Variants in EPYC observed in about 807,000 individuals in gnomAD.
EPYC encodes dermatan sulfate proteoglycan 3.
In EPYC, 28 loss-of-function variants were observed where a neutral mutation model predicts 30.1. That is an observed-to-expected ratio of 0.93 (90% CI 0.69 to 1.28). The LOEUF is 1.28. Among genes scored for constraint, EPYC ranks in the 50% most tolerant of loss-of-function variants. The pLI is 0.00. For synonymous variants in EPYC, 144 were observed against 141.4 expected (o/e 1.02, Z -0.13); for missense variants, 382 against 383.5 (o/e 1.00, Z 0.03).
intron 1 of EPYC, among the ~76,000 whole-genome samples, chr12:91,003,169 C>G (rs564605402): frequency 6.6e-6 from 1 of 152,162 alleles, no homozygotes; most frequent in East Asian, 1.9e-4. Context: ...TTCTTCAGAA[C>G]AAAGTAACAA....
At chr12:90,982,848 C>A (rs1301931823) in intron 2 of EPYC, among the ~76,000 whole-genome samples, 1 of 152,092 alleles carries the variant, frequency 6.6e-6, no homozygotes, top group African/African-American at 2.4e-5. Flanking sequence ...AATAGTATTC[C>A]ATTGTGTGTA....
chr12:90,989,061 A>G (rs1373967592), intron 2 of EPYC, among the ~76,000 whole-genome samples: 2 of 152,122 alleles, frequency 1.3e-5, no homozygotes, highest in Admixed American at 1.3e-4. Flanking sequence ...ATTTCTCATA[A>G]AAGTAAGAAA....
intron 2 of EPYC, among the ~76,000 whole-genome samples, chr12:90,983,955 A>G (rs1877385126): frequency 6.6e-6 from 1 of 152,144 alleles, no homozygotes; most frequent in South Asian, 2.1e-4. Flanking sequence ...AGGCCTAACA[A>G]AAGCTATTCC....
At chr12:90,964,356 G>A (rs766509946) in intron 6 of EPYC, 30 bp from the exon 7 acceptor site, 16 of 1,520,160 alleles carry the variant, frequency 1.1e-5, no homozygotes, top group African/African-American at 1.4e-5. Flanking sequence ...ATTATGACAA[G>A]ATATAACACA....
chr12:91,002,990 C>T (rs1049686911), intron 1 of EPYC, among the ~76,000 whole-genome samples: 12 of 152,084 alleles, frequency 7.9e-5, no homozygotes, highest in African/African-American at 2.9e-4. Flanking sequence ...AACTGTCATA[C>T]CATTTTATAG....
intron 6 of EPYC, among the ~76,000 whole-genome samples, chr12:90,968,081 G>A (rs540109788): frequency 7.2e-5 from 11 of 151,766 alleles, no homozygotes; most frequent in South Asian, 4.2e-4. Context: ...TGTATTTTGG[G>A]CCTCTGTTGT....
At chr12:90,997,003 T>C (rs900827695) in intron 2 of EPYC, among the ~76,000 whole-genome samples, 1 of 152,006 alleles carries the variant, frequency 6.6e-6, no homozygotes, top group Non-Finnish European at 1.5e-5. Context: ...TCCAGGTTGC[T>C]GAGCAGGCAA....
chr12:91,003,620 T>G (rs1415585152), intron 1 of EPYC, among the ~76,000 whole-genome samples: 1 of 152,076 alleles, frequency 6.6e-6, no homozygotes, highest in Non-Finnish European at 1.5e-5. Context: ...AACATTTAAG[T>G]TAGTCTTACC....
intron 5 of EPYC, among the ~76,000 whole-genome samples, chr12:90,971,002 T>G (rs1877030003): frequency 6.6e-6 from 1 of 152,212 alleles, no homozygotes; most frequent in Non-Finnish European, 1.5e-5. Context: ...GCCCCAAACC[T>G]GCTTGCTTCA....
chr12:90,988,326 C>T (rs549053308), intron 2 of EPYC, among the ~76,000 whole-genome samples: 7 of 151,954 alleles, frequency 4.6e-5, no homozygotes, highest in African/African-American at 7.2e-5. Context: ...TTAGTGATGA[C>T]GATATAGCTA....
At chr12:91,000,683 T>C (rs1877802385) in intron 2 of EPYC, among the ~76,000 whole-genome samples, 1 of 152,182 alleles carries the variant, frequency 6.6e-6, no homozygotes, top group Non-Finnish European at 1.5e-5. Flanking sequence ...GATTCAGTTA[T>C]AGTGATCATC....
At chr12:90,969,952 A>AT (rs1876995013) in intron 6 of EPYC, 92 bp downstream of exon 6, 1 of 826,572 alleles carries the variant, frequency 1.2e-6, no homozygotes, top group African/African-American at 1.7e-5. Context: ...GTGTGTCAAC[A>AT]TGCCATTACA....
intron 2 of EPYC, among the ~76,000 whole-genome samples, chr12:90,993,380 G>T (rs559350958): frequency 6.6e-6 from 1 of 151,978 alleles, no homozygotes; most frequent in African/African-American, 2.4e-5. Flanking sequence ...AATTTAGGGG[G>T]TACACCTCGC....
intron 2 of EPYC, among the ~76,000 whole-genome samples, chr12:90,987,324 C>G (rs76419415): frequency 1.0e-3 from 151 of 150,196 alleles, no homozygotes; most frequent in African/African-American, 3.4e-3. Flanking sequence ...CATAAAATTT[C>G]CCCCACACAG....
intron 2 of EPYC, among the ~76,000 whole-genome samples, chr12:90,979,040 C>T (rs1877265051): frequency 6.6e-6 from 1 of 152,118 alleles, no homozygotes; most frequent in Non-Finnish European, 1.5e-5. Context: ...TAGATTACAA[C>T]TGCTTTGCTC....
chr12:90,985,163 G>A (rs1167782831), intron 2 of EPYC, among the ~76,000 whole-genome samples: 1 of 152,108 alleles, frequency 6.6e-6, no homozygotes, highest in African/African-American at 2.4e-5. Context: ...CCAGATCATG[G>A]GGACTGGAGT....
intron 3 of EPYC, among the ~76,000 whole-genome samples, chr12:90,977,661 A>C (rs1226273289): frequency 6.6e-6 from 1 of 152,142 alleles, no homozygotes; most frequent in African/African-American, 2.4e-5. Flanking sequence ...AGTGCTGAGC[A>C]TATAGGCCAC....
At chr12:90,977,046 A>G (rs1180892132) in intron 3 of EPYC, among the ~76,000 whole-genome samples, 4 of 152,174 alleles carry the variant, frequency 2.6e-5, no homozygotes, top group Non-Finnish European at 5.9e-5. Flanking sequence ...GGATTAATAC[A>G]TACAGTATTG....
chr12:90,984,709 T>A (rs1877406161), intron 2 of EPYC, among the ~76,000 whole-genome samples: 1 of 152,096 alleles, frequency 6.6e-6, no homozygotes, highest in Non-Finnish European at 1.5e-5. Context: ...TACCTCCGTA[T>A]CCTAACCTTC....
Sources: allele counts gnomAD v4.1 joint callset (sites outside exome capture counted in the v4.1 genomes callset), GRCh38; gene constraint gnomAD v4.1.1; transcripts MANE v1.5; gene names NCBI Gene and HGNC (gene_info 2026-07-23, HGNC 2026-07-21).